Variants in BRMS1L observed in about 807,000 individuals in gnomAD.
BRMS1L encodes BRMS1 like transcriptional repressor.
A neutral mutation model predicts 50.3 loss-of-function variants in BRMS1L; 23 were observed. The observed-to-expected ratio is 0.46, with a 90% CI of 0.33 to 0.65. The LOEUF (loss-of-function observed/expected upper bound fraction) is 0.65. Among genes scored for constraint, BRMS1L ranks in the 30% least tolerant of loss-of-function variants. BRMS1L has a pLI of 0.02. For missense variants in BRMS1L, 286 were observed against 386.1 expected, an observed-to-expected ratio of 0.74 and a Z score of 2.17; for synonymous variants, 114 against 126.9, an observed-to-expected ratio of 0.90 and a Z score of 0.69.
At chr14:35,826,808 T>G (rs1169023) in intron 1 of BRMS1L, 150 bp downstream of exon 1, 1,136,751 of 1,163,630 alleles carry the variant, frequency 0.98, 555,342 homozygotes, top group East Asian at 1. Context: ...GGCTGCACCC[T>G]GACCGGTCGC....
intron 6 of BRMS1L, 137 bp from the exon 7 acceptor site, chr14:35,864,798 A>C: frequency 1.6e-6 from 1 of 642,582 alleles, no homozygotes; most frequent in Non-Finnish European, 2.7e-6. Flanking sequence ...TGGTTTGAAG[A>C]ATAATTTGAA....
intron 4 of BRMS1L, among the ~76,000 whole-genome samples, chr14:35,840,504 T>A (rs1031457008): frequency 8.2e-5 from 12 of 146,734 alleles, no homozygotes; most frequent in African/African-American, 3.0e-4. Context: ...GGTCCTGGGC[T>A]TTTTTTGGTT....
intron 4 of BRMS1L, among the ~76,000 whole-genome samples, chr14:35,853,386 TTGA>T (rs1209573942): frequency 2.6e-5 from 4 of 151,892 alleles, no homozygotes; most frequent in Admixed American, 1.3e-4. Context: ...AGTGATTACT[TTGA>T]TGATGATGTT....
intron 1 of BRMS1L, 68 bp downstream of exon 1, chr14:35,826,726 C>T (rs1478704080): frequency 1.3e-6 from 2 of 1,577,332 alleles, no homozygotes; most frequent in African/African-American, 1.3e-5. Context: ...CTCCGCACGC[C>T]AGGCGGCTGC....
intron 4 of BRMS1L, among the ~76,000 whole-genome samples, chr14:35,847,547 C>T (rs904145299): frequency 2.6e-5 from 4 of 152,156 alleles, no homozygotes; most frequent in African/African-American, 4.8e-5. Context: ...AAAAGTCCAA[C>T]GTATCATTCT....
At chr14:35,843,413 A>G (rs1447626044) in intron 4 of BRMS1L, among the ~76,000 whole-genome samples, 1 of 151,788 alleles carries the variant, frequency 6.6e-6, no homozygotes, top group African/African-American at 2.4e-5. Context: ...TCTGTTCGTT[A>G]GTTTTCCTTG....
intron 4 of BRMS1L, among the ~76,000 whole-genome samples, chr14:35,853,987 A>G (rs1176405086): frequency 2.0e-5 from 3 of 152,220 alleles, no homozygotes; most frequent in Admixed American, 6.5e-5. Flanking sequence ...CCTTCTTACT[A>G]TAAAGGACCT....
rs191283822 is a variant in BRMS1L at position 35,855,655 on chromosome 14, G to A, written c.442-6935G>A. 2.0e-5 allele frequency among the ~76,000 whole-genome samples: 3 copies of A among 152,138 alleles called. No homozygotes were observed. In the East Asian group the frequency reaches 5.8e-4, roughly 29 times the overall value. ...GGCCTGACATTTTTATGTCTAACAT[G>A]TTAATCTGACATTTTTATGTTTAAC... is the stretch of plus-strand genomic sequence containing the variant. On this transcript the variant is annotated intron_variant, in intron 4 of 9. Transcript: ENST00000216807.
chr14:35,862,915 G>A (rs1457342151), intron 5 of BRMS1L, among the ~76,000 whole-genome samples: 1 of 152,172 alleles, frequency 6.6e-6, no homozygotes, highest in Non-Finnish European at 1.5e-5. Flanking sequence ...GGACGAAACA[G>A]AAGTATGACA....
chr14:35,860,825 C>T (rs897092811), intron 4 of BRMS1L, among the ~76,000 whole-genome samples: 3 of 152,184 alleles, frequency 2.0e-5, no homozygotes, highest in African/African-American at 7.2e-5. Context: ...GCATAGGCGT[C>T]AGCCTGGGAA....
chr14:35,849,115 AAAGTGCT>A (rs1490260447), intron 4 of BRMS1L, among the ~76,000 whole-genome samples: 1 of 151,792 alleles, frequency 6.6e-6, no homozygotes, highest in East Asian at 1.9e-4. Context: ...TTGGCCTCCC[AAAGTGCT>A]GGGATTACAG....
chr14:35,858,215 C>T (rs11625827), intron 4 of BRMS1L, among the ~76,000 whole-genome samples: 20 of 152,224 alleles, frequency 1.3e-4, no homozygotes, highest in Middle Eastern at 3.4e-3. Context: ...GTTTTCTCTG[C>T]GATCAAACTT....
intron 4 of BRMS1L, among the ~76,000 whole-genome samples, chr14:35,849,342 C>T (rs1008988900): frequency 2.6e-5 from 4 of 152,158 alleles, no homozygotes; most frequent in African/African-American, 9.7e-5. Context: ...GGCTGGAGGG[C>T]AGTGACACGA....
intron 4 of BRMS1L, among the ~76,000 whole-genome samples, chr14:35,846,514 C>A (rs2078136680): frequency 6.6e-6 from 1 of 152,030 alleles, no homozygotes; most frequent in Admixed American, 6.6e-5. Flanking sequence ...TCTAAACTTT[C>A]ATGATCTTTA....
chr14:35,867,952 G>C lies in BRMS1L; in HGVS notation c.774G>C (p.Glu258Asp). 6.2e-7 allele frequency: 1 copy of C among 1,612,560 alleles called. No individual in the cohort carries two copies. The highest frequency in any genetic ancestry group is 8.5e-7 in the Non-Finnish European group (1 of 1,179,450). Reference sequence around the variant, plus strand: ...ATCTGCACAGTGCTAGATCTGAAGAGGGAAGACTATATTATGATGGTGAAT... The same window carrying C: ...ATCTGCACAGTGCTAGATCTGAAGACGGAAGACTATATTATGATGGTGAAT... ...EKHLHSARSEEGRLYYDGEWY... is the reference protein window; with the variant it reads ...EKHLHSARSEDGRLYYDGEWY... The change falls in exon 9 of 10, where the codon GAG becomes GAC. Residue 258 changes from glutamate (E) to aspartate (D), a missense_variant. By Grantham distance (45) the Glu-to-Asp change is conservative. Transcript: ENST00000216807.
intron 4 of BRMS1L, among the ~76,000 whole-genome samples, chr14:35,848,743 A>G (rs2078169866): frequency 6.6e-6 from 1 of 152,156 alleles, no homozygotes; most frequent in Admixed American, 6.5e-5. Context: ...TAATGTTAGT[A>G]ATGTCCTCTA....
At chr14:35,860,666 G>C (rs2078338646) in intron 4 of BRMS1L, among the ~76,000 whole-genome samples, 1 of 152,010 alleles carries the variant, frequency 6.6e-6, no homozygotes, top group Non-Finnish European at 1.5e-5. Context: ...CTCCAGTCCT[G>C]ATAGAAGTTG....
chr14:35,859,810 T>C (rs2078326875), intron 4 of BRMS1L, among the ~76,000 whole-genome samples: 1 of 151,834 alleles, frequency 6.6e-6, no homozygotes, highest in South Asian at 2.1e-4. Context: ...CTGCCATGCT[T>C]AGCTAATTTT....
At chr14:35,829,977 A>G (rs1484984584) in intron 1 of BRMS1L, 1 of 370,636 alleles carries the variant, frequency 2.7e-6, no homozygotes, top group African/African-American at 2.2e-5. Flanking sequence ...CACTGATAGT[A>G]ATATGGGTAG....
Sources: allele counts gnomAD v4.1 joint callset (sites outside exome capture counted in the v4.1 genomes callset), GRCh38; gene constraint gnomAD v4.1.1; transcripts MANE v1.5; gene names NCBI Gene and HGNC (gene_info 2026-07-23, HGNC 2026-07-21).